CACNB4: variants seen among roughly 807,000 people sequenced by gnomAD.
CACNB4 encodes voltage-dependent L-type calcium channel subunit beta-4.
CACNB4 carries 32 observed loss-of-function variants against 71.2 expected under a neutral mutation model. The ratio of observed to expected loss-of-function variants is 0.45; its 90% CI spans 0.34 to 0.60. The LOEUF is 0.60. Among genes scored for constraint, CACNB4 ranks in the 20% least tolerant of loss-of-function variants. CACNB4 has a pLI of 0.01. For synonymous variants in CACNB4, 231 were observed against 236.9 expected, an observed-to-expected ratio of 0.97 and a Z score of 0.23; for missense variants, 464 against 647.9, an observed-to-expected ratio of 0.72 and a Z score of 3.08.
At chr2:152,097,064 C>T (rs2105495364) in intron 2 of CACNB4, among the ~76,000 whole-genome samples, 1 of 152,284 alleles carries the variant, frequency 6.6e-6, no homozygotes, top group South Asian at 2.1e-4. Flanking sequence ...GGATAGAATG[C>T]ACTTTTAGAA....
chr2:152,010,313 G>C (rs1682984302), intron 2 of CACNB4, among the ~76,000 whole-genome samples: 1 of 152,328 alleles, frequency 6.6e-6, no homozygotes. Context: ...GACATGGCAA[G>C]CGTGTTATTA....
intron 10 of CACNB4, chr2:151,858,840 C>T (rs983746957): frequency 3.3e-5 from 5 of 152,210 alleles, no homozygotes; most frequent in Admixed American, 6.5e-5. Context: ...GAAGAACCAG[C>T]TCAAATATAA....
chr2:152,036,746 A>G (rs907586366), intron 2 of CACNB4, among the ~76,000 whole-genome samples: 2 of 152,078 alleles, frequency 1.3e-5, no homozygotes, highest in African/African-American at 4.8e-5. Flanking sequence ...ACTTTAGGCT[A>G]CTCAGACCAT....
chr2:152,037,422 A>G (rs956691474), intron 2 of CACNB4, among the ~76,000 whole-genome samples: 2 of 152,250 alleles, frequency 1.3e-5, no homozygotes, highest in Non-Finnish European at 2.9e-5. Context: ...TGCTAAAGAA[A>G]TATGTCTGTG....
intron 12 of CACNB4, among the ~76,000 whole-genome samples, chr2:151,842,354 G>A (rs1192673385): frequency 8.1e-5 from 10 of 123,238 alleles, no homozygotes; most frequent in Admixed American, 2.7e-4. Context: ...TTTTTAAGAC[G>A]GAGTCTCATT....
chr2:151,951,261 T>C (rs2099866852), intron 2 of CACNB4, among the ~76,000 whole-genome samples: 1 of 152,132 alleles, frequency 6.6e-6, no homozygotes, highest in African/African-American at 2.4e-5. Flanking sequence ...ATTGCATGGT[T>C]TGTGAATCTC....
At chr2:151,911,180 A>G (rs926824186) in intron 2 of CACNB4, among the ~76,000 whole-genome samples, 2 of 152,208 alleles carry the variant, frequency 1.3e-5, no homozygotes, top group Admixed American at 6.5e-5. Flanking sequence ...GAAGTTGCTT[A>G]TCAGTTTAAG....
At position 151,838,381 on chromosome 2, in the gene CACNB4, A is replaced by G. The variant is rs1047912303; in HGVS notation, c.*738T>C. ...TTTTGCCAACTTCAAATGAGCTAAC[A>G]GTACTGACCAAACAAAAAGCAAAAC... On this transcript the variant is annotated 3_prime_UTR_variant, in exon 14 of 14. Transcript: ENST00000539935. The G allele has an allele frequency of 6.6e-6, 1 of 152,648 alleles. No individual in the cohort carries two copies. Among genetic ancestry groups the G allele is most frequent in the Admixed American group, 6.5e-5 (1 of 15,282 alleles). 9.5% of individuals were successfully genotyped at this position (152,648 alleles called of 1,614,324 possible).
chr2:152,018,486 G>C (rs1249517528), intron 2 of CACNB4, among the ~76,000 whole-genome samples: 4 of 152,128 alleles, frequency 2.6e-5, no homozygotes, highest in African/African-American at 9.6e-5. Flanking sequence ...ATATTTATTA[G>C]ATTTTGCAGA....
intron 4 of CACNB4, among the ~76,000 whole-genome samples, chr2:151,876,775 A>AG (rs1160893071): frequency 1.1e-3 from 143 of 128,026 alleles, no homozygotes; most frequent in Admixed American, 2.2e-3. Flanking sequence ...TATATTTTAT[A>AG]TACTATACTA....
chr2:152,061,884 C>T (rs1444091393), intron 2 of CACNB4, among the ~76,000 whole-genome samples: 3 of 151,788 alleles, frequency 2.0e-5, no homozygotes, highest in Non-Finnish European at 2.9e-5. Flanking sequence ...TGGTGGCACA[C>T]ACCTGTAATC....
chr2:152,041,524 G>A (rs540491357), intron 2 of CACNB4, among the ~76,000 whole-genome samples: 1 of 152,292 alleles, frequency 6.6e-6, no homozygotes, highest in Non-Finnish European at 1.5e-5. Flanking sequence ...GGGCTGAAGG[G>A]ATATTATTGC....
intron 2 of CACNB4, chr2:151,969,232 G>A (rs764260027): frequency 6.6e-6 from 1 of 152,076 alleles, no homozygotes; most frequent in Non-Finnish European, 1.5e-5. Context: ...CTATAAATAG[G>A]CCAGAAAGAC....
intron 2 of CACNB4, among the ~76,000 whole-genome samples, chr2:152,064,663 A>G (rs972314783): frequency 2.6e-5 from 4 of 152,226 alleles, no homozygotes; most frequent in Non-Finnish European, 4.4e-5. Flanking sequence ...GATTACAGGC[A>G]TGAGCCACCA....
chr2:151,931,644 A>AT (rs1240312959), intron 2 of CACNB4, among the ~76,000 whole-genome samples: 1 of 152,174 alleles, frequency 6.6e-6, no homozygotes, highest in Non-Finnish European at 1.5e-5. Context: ...CCAAGTGGCA[A>AT]TGGGGGGGTG....
intron 2 of CACNB4, among the ~76,000 whole-genome samples, chr2:151,993,058 C>T (rs62176802): frequency 0.019 from 2,917 of 152,154 alleles, 36 homozygotes; most frequent in Middle Eastern, 0.031. Flanking sequence ...ACAAGGTTCT[C>T]AGCTCTGGTG....
At chr2:151,870,309 T>C in intron 8 of CACNB4, 1 of 703,174 alleles carries the variant, frequency 1.4e-6, no homozygotes, top group South Asian at 1.5e-5. Flanking sequence ...TTGAGGGAGG[T>C]ATTTCTAAAC....
chr2:151,927,027 C>T (rs2099860415), intron 2 of CACNB4, among the ~76,000 whole-genome samples: 1 of 152,176 alleles, frequency 6.6e-6, no homozygotes, highest in South Asian at 2.1e-4. Context: ...TTATGTTTCA[C>T]TTTAAGCACT....
At chr2:152,050,133 G>T (rs1265711677) in intron 2 of CACNB4, among the ~76,000 whole-genome samples, 1 of 152,226 alleles carries the variant, frequency 6.6e-6, no homozygotes, top group Non-Finnish European at 1.5e-5. Context: ...CAGCTGCCCT[G>T]GACAGATGAC....
Sources: allele counts gnomAD v4.1 joint callset (sites outside exome capture counted in the v4.1 genomes callset), GRCh38; gene constraint gnomAD v4.1.1; transcripts MANE v1.5; gene names NCBI Gene and HGNC (gene_info 2026-07-23, HGNC 2026-07-21).